The following TRIO variants were observed in gnomAD, a reference collection of about 807,000 sequenced individuals.
TRIO encodes the protein triple functional domain protein.
TRIO carries 58 observed loss-of-function variants against 351.9 expected under a neutral mutation model. The ratio of observed to expected loss-of-function variants is 0.16; its 90% CI spans 0.13 to 0.21. The LOEUF (loss-of-function observed/expected upper bound fraction) is 0.21, where lower values mean the gene tolerates loss of function less well. Ranked by LOEUF, TRIO falls within the 10% of genes least tolerant of loss-of-function variation. The pLI is 1.00. For synonymous variants in TRIO, 1,758 were observed against 1,595.7 expected (o/e 1.10, Z -2.42); for missense variants, 3,201 against 4,027.8 (o/e 0.79, Z 5.56).
At chr5:14,494,373 A>G (rs1357368558) in intron 49 of TRIO, among the ~76,000 whole-genome samples, 1 of 152,208 alleles carries the variant, frequency 6.6e-6, no homozygotes, top group African/African-American at 2.4e-5. Context: ...TCTGTACACC[A>G]TGTATTTACA....
intron 48 of TRIO, among the ~76,000 whole-genome samples, chr5:14,491,408 C>A (rs959145726): frequency 6.6e-6 from 1 of 152,222 alleles, no homozygotes; most frequent in Non-Finnish European, 1.5e-5. Flanking sequence ...CGACAGTACC[C>A]TCAGTGGAAG....
intron 37 of TRIO, among the ~76,000 whole-genome samples, chr5:14,469,915 C>G (rs1754559144): frequency 6.6e-6 from 1 of 152,162 alleles, no homozygotes; most frequent in Admixed American, 6.5e-5. Context: ...TCTCACTGTT[C>G]AAATGAACAG....
chr5:14,197,735 A>T (rs553444978), intron 1 of TRIO, among the ~76,000 whole-genome samples: 1 of 152,276 alleles, frequency 6.6e-6, no homozygotes, highest in South Asian at 2.1e-4. Context: ...TGATATCAGC[A>T]TTTGTTTTTT....
chr5:14,497,916 A>G lies in TRIO; in HGVS notation c.8047+42A>G. 1 of 1,613,930 alleles carries G rather than the reference A, an allele frequency of 6.2e-7. No homozygotes were observed. On this transcript the variant is annotated intron_variant, in intron 51 of 56. Transcript: ENST00000344204. This position sits in a 1 kb window ranked among gnomAD's most constrained non-coding sequence, Gnocchi z 4.4. The stretch of plus-strand genomic sequence containing the variant: ...TTCTTCTAGTCCTAGAGATGATTCT[A>G]GACCTGTGGGGCATGTTTCAGAGCA...
chr5:14,409,814 G>A (rs1194220949), intron 33 of TRIO, among the ~76,000 whole-genome samples: 3 of 140,746 alleles, frequency 2.1e-5, no homozygotes, highest in South Asian at 2.3e-4. Context: ...CCACCTGGGC[G>A]ACAGAGCGAG....
At chr5:14,394,194 ATATATT>A (rs1430045436) in intron 28 of TRIO, 64 bp downstream of exon 28, 5 of 1,016,214 alleles carry the variant, frequency 4.9e-6, no homozygotes, top group Non-Finnish European at 7.2e-6. Flanking sequence ...GACATTTACT[ATATATT>A]TATATAATTA....
intron 1 of TRIO, among the ~76,000 whole-genome samples, chr5:14,206,252 G>A (rs2152182708): frequency 6.6e-6 from 1 of 152,098 alleles, no homozygotes; most frequent in Middle Eastern, 3.4e-3. Flanking sequence ...GGTAGAGATG[G>A]GTCTCACTGT....
Position 14,471,404 on chromosome 5 carries a change from C to G in TRIO, c.5850C>G (p.Leu1950=), listed in dbSNP as rs1182819623. 3 of 1,614,108 alleles carry G rather than the reference C, an allele frequency of 1.9e-6. No individual in the cohort carries two copies. The highest frequency in any genetic ancestry group is 2.2e-5 in the East Asian group (1 of 44,896). ...TCAACCCTTCGGATAATTCCCTTCT[C>G]TCTTCCTCCTCGCCCATTGATGAGA... is the stretch of plus-strand genomic sequence containing the variant. The part of the protein sequence containing the change: ...PSFNPSDNSL[L]SSSSPIDEME... Residue 1950 remains leucine, a synonymous_variant, in exon 38 of 57, where the codon CTC becomes CTG. Transcript: ENST00000344204.
At chr5:14,351,460 T>C (rs574597356) in intron 11 of TRIO, among the ~76,000 whole-genome samples, 37 of 152,338 alleles carry the variant, frequency 2.4e-4, no homozygotes, top group African/African-American at 8.9e-4. Flanking sequence ...CTTCCCCTGC[T>C]GGCCCTATGG....
At chr5:14,167,238 GAA>G (rs1788821869) in intron 1 of TRIO, among the ~76,000 whole-genome samples, 1 of 151,684 alleles carries the variant, frequency 6.6e-6, no homozygotes, top group Non-Finnish European at 1.5e-5. Flanking sequence ...ACTCTGGGGG[GAA>G]GATGGCATTG....
intron 6 of TRIO, among the ~76,000 whole-genome samples, chr5:14,294,533 G>T (rs994042701): frequency 1.3e-5 from 2 of 152,306 alleles, no homozygotes; most frequent in East Asian, 3.9e-4. Flanking sequence ...ACTAAAATAT[G>T]TGCTAGAAAT....
chr5:14,312,635 T>C (rs1353773575), intron 8 of TRIO, among the ~76,000 whole-genome samples: 1 of 152,230 alleles, frequency 6.6e-6, no homozygotes, highest in African/African-American at 2.4e-5. Context: ...GCTCAGAGTT[T>C]CAGTGCCTGG....
chr5:14,462,346 AT>A (rs1334852685), intron 35 of TRIO, among the ~76,000 whole-genome samples: 2 of 152,204 alleles, frequency 1.3e-5, no homozygotes, highest in Non-Finnish European at 2.9e-5. Flanking sequence ...CTTGGATTAT[AT>A]TTTTTATGCC....
chr5:14,248,613 T>C (rs1295941932), intron 1 of TRIO, among the ~76,000 whole-genome samples: 2 of 152,196 alleles, frequency 1.3e-5, no homozygotes, highest in African/African-American at 4.8e-5. Flanking sequence ...GGGAGCCCCT[T>C]GCAAGCGCCG....
chr5:14,384,703 T>G (rs954262611), intron 21 of TRIO, among the ~76,000 whole-genome samples: 6 of 152,188 alleles, frequency 3.9e-5, no homozygotes, highest in African/African-American at 1.4e-4. Context: ...ATATTTTTTA[T>G]ATCCTCGTAT....
In TRIO at chr5:14,220,364, C is replaced by T. The variant is rs1002928166; in HGVS notation, c.158-50461C>T. On this transcript the variant is annotated intron_variant, in intron 1 of 56. Transcript: ENST00000344204. ...GTTACCCCGCCTCTCTCCCTCTCCT[C>T]AGGCCTCCTATTTTTGAGACACAAC... Among the ~76,000 whole-genome samples the T allele has an allele frequency of 7.9e-5, 12 of 152,244 alleles. No individual in the cohort carries two copies. The East Asian group carries it at 1.7e-3, about 22-fold the overall frequency.
At chr5:14,340,059 C>T (rs1297638473) in intron 11 of TRIO, among the ~76,000 whole-genome samples, 1 of 152,138 alleles carries the variant, frequency 6.6e-6, no homozygotes, top group Non-Finnish European at 1.5e-5. Context: ...TCTTCTTAAG[C>T]AGATCATACA....
intron 9 of TRIO, among the ~76,000 whole-genome samples, chr5:14,323,727 A>G (rs2152311175): frequency 6.6e-6 from 1 of 152,362 alleles, no homozygotes; most frequent in South Asian, 2.1e-4. Flanking sequence ...CAGTGATTTC[A>G]TGAGTAAAGT....
At chr5:14,204,524 C>T (rs1791340191) in intron 1 of TRIO, among the ~76,000 whole-genome samples, 1 of 152,110 alleles carries the variant, frequency 6.6e-6, no homozygotes, top group African/African-American at 2.4e-5. Context: ...CAGTGTTGGT[C>T]TCTAGGTCTT....
Sources: gnomAD v4.1 joint callset for allele counts (sites outside exome capture counted in the v4.1 genomes callset) on GRCh38, gnomAD v4.1.1 for gene constraint, Gnocchi (gnomAD v3.1) non-coding constraint, MANE v1.5 for transcripts, NCBI Gene and HGNC (gene_info 2026-07-23, HGNC 2026-07-21) for gene names.